Variants in INPP5D observed in about 807,000 individuals in gnomAD.
The protein encoded by INPP5D is phosphatidylinositol 3,4,5-trisphosphate 5-phosphatase 1.
INPP5D carries 33 observed loss-of-function variants against 122.9 expected under a neutral mutation model. The ratio of observed to expected loss-of-function variants is 0.27; its 90% confidence interval spans 0.20 to 0.36. The LOEUF (loss-of-function observed/expected upper bound fraction) is 0.36, where lower values mean the gene tolerates loss of function less well. Among genes scored for constraint, INPP5D ranks in the 10% least tolerant of loss-of-function variants. The pLI, the probability that INPP5D is intolerant of heterozygous loss-of-function variation, is 1.00. For synonymous variants in INPP5D, 584 were observed against 576.2 expected (o/e 1.01, Z -0.19); for missense variants, 1,053 against 1,412.7 (o/e 0.75, Z 4.08).
chr2:233,065,568 T>TTTCTTTCTTTCC (rs1487472628), intron 1 of INPP5D, among the ~76,000 whole-genome samples: 1 of 29,202 alleles, frequency 3.4e-5, no homozygotes, highest in Admixed American at 2.6e-4. Flanking sequence ...AGCCTTTTTC[T>TTTCTTTCTTTCC]TTCTTTCTTT....
chr2:233,142,083 A>G (rs1217194563), intron 6 of INPP5D, among the ~76,000 whole-genome samples: 1 of 152,232 alleles, frequency 6.6e-6, no homozygotes, highest in African/African-American at 2.4e-5. Flanking sequence ...TTTGAAGTAG[A>G]TTAGAAGCGA....
At chr2:233,096,783 A>C (rs747559065) in intron 2 of INPP5D, among the ~76,000 whole-genome samples, 7 of 151,722 alleles carry the variant, frequency 4.6e-5, no homozygotes, top group African/African-American at 7.3e-5. Flanking sequence ...AAAACCCTTT[A>C]TATGTTTTGT....
Position 233,060,622 on chromosome 2 carries a change from A to G in INPP5D, c.134+10A>G. On this transcript the variant is annotated intron_variant, in intron 1 of 26. Coordinates refer to ENST00000445964, the MANE Select transcript of INPP5D (RefSeq NM_001017915.3). ...ACGCGCTCTGCGTGCTGTGAGTACAACCTGCTCCCTCCCCGGGCACAGATA... is the reference window on the plus strand; with the variant it reads ...ACGCGCTCTGCGTGCTGTGAGTACAGCCTGCTCCCTCCCCGGGCACAGATA... The G allele has an allele frequency of 6.2e-7, 1 of 1,613,554 alleles. No individual in the cohort carries two copies.
chr2:233,070,246 A>G (rs1691340227), intron 1 of INPP5D, among the ~76,000 whole-genome samples: 1 of 151,942 alleles, frequency 6.6e-6, no homozygotes, highest in Non-Finnish European at 1.5e-5. Context: ...TTTAAGTTTT[A>G]TGATTTTTTT....
rs764742032 is a variant in INPP5D at position 233,169,330 on chromosome 2, G to A, written c.1581G>A (p.Ser527=). The change falls in exon 14 of 27, where the codon TCG becomes TCA. Residue 527 remains serine, a synonymous_variant. Transcript: ENST00000445964. ...GGAACAAGGGAGCCGTGGGGGTGTC[G>A]TTCATGTTCAATGGAACCTCCTTAG... ...TLGNKGAVGV[S]FMFNGTSLGF... 16 of 1,605,748 alleles carry A rather than the reference G, an allele frequency of 1.0e-5. No homozygotes were observed. Among genetic ancestry groups the A allele is most frequent in the South Asian group, 9.0e-5 (8 of 89,230 alleles).
Position 233,182,472 on chromosome 2 carries a change from G to T in INPP5D, c.2134G>T (p.Val712Phe). 1 of 1,613,690 alleles carries T rather than the reference G, an allele frequency of 6.2e-7. No homozygotes were observed. The highest frequency in any genetic ancestry group is 8.5e-7 in the Non-Finnish European group (1 of 1,179,692). ...SPVFATFEAG[V>F]TSQFVSKNGP... ...TGTCTTTGCCACATTTGAGGCAGGA[G>T]TCACTTCCCAGTTTGTCTCCAAGAA... Residue 712 changes from valine to phenylalanine, a missense_variant, in exon 19 of 27, where the codon GTC (valine) becomes TTC (phenylalanine). Val to Phe is a conservative substitution (Grantham distance 50). Around this residue, in one of 6 missense-constraint regions of INPP5D, gnomAD observed 258 missense variants for 439.1 expected, o/e 0.59. Coordinates refer to ENST00000445964, the MANE Select transcript of INPP5D (RefSeq NM_001017915.3).
chr2:233,109,976 T>C (rs1445642851), intron 2 of INPP5D, among the ~76,000 whole-genome samples: 1 of 151,916 alleles, frequency 6.6e-6, no homozygotes, highest in Non-Finnish European at 1.5e-5. Flanking sequence ...TCTGCATTTC[T>C]CAGGCTCAAG....
In INPP5D at chr2:233,097,267, T is replaced by C. The variant is rs566730191; in HGVS notation, c.198+17869T>C. Among the ~76,000 whole-genome samples, 302 of 152,342 alleles carry C rather than the reference T, an allele frequency of 2.0e-3. 2 individuals carry two copies. Among genetic ancestry groups the C allele is most frequent in the South Asian group, 8.5e-3 (41 of 4,830 alleles). On this transcript the variant is annotated intron_variant, in intron 2 of 26. Transcript: ENST00000445964. ...TGGCTTTCTTGTGTGTTTCCTTATC[T>C]GGCAGACTAAGTTCCCATTTATTAT...
intron 26 of INPP5D, chr2:233,204,939 A>G: frequency 1.5e-6 from 1 of 666,138 alleles, no homozygotes; most frequent in Non-Finnish European, 2.3e-6. Flanking sequence ...CCTGTCCCAC[A>G]CATCCCTGAC....
chr2:233,138,303 TAAAAAAAAAAA>T (rs749510803), intron 5 of INPP5D, among the ~76,000 whole-genome samples: 1 of 103,680 alleles, frequency 9.6e-6, no homozygotes, highest in African/African-American at 4.5e-5. Flanking sequence ...TAAGATTGTC[TAAAAAAAAAAA>T]AAAAAAAAAA....
At chr2:233,084,992 T>C (rs1379954429) in intron 2 of INPP5D, among the ~76,000 whole-genome samples, 1 of 152,264 alleles carries the variant, frequency 6.6e-6, no homozygotes, top group Non-Finnish European at 1.5e-5. Flanking sequence ...AAAACATCTT[T>C]AGTTGTCTAC....
chr2:233,194,822 G>A (rs980554524), intron 23 of INPP5D, among the ~76,000 whole-genome samples: 1 of 150,096 alleles, frequency 6.7e-6, no homozygotes, highest in African/African-American at 2.5e-5. Context: ...TTCTTTTTTG[G>A]AGACAGTCTT....
chr2:233,126,220 T>C (rs1214948445), intron 4 of INPP5D, among the ~76,000 whole-genome samples: 4 of 152,262 alleles, frequency 2.6e-5, no homozygotes, highest in Non-Finnish European at 5.9e-5. Context: ...CATTAATTAA[T>C]AAGTTAGTAC....
chr2:233,160,867 T>A lies in INPP5D; in HGVS notation c.1138-857T>A, dbSNP rs1694181336. ...CCAGGCTGGTCTCAAACTCCTGGGA[T>A]CAAACAATCCTTCTGCCTCAGCCTC... On this transcript the variant is annotated intron_variant, in intron 10 of 26. Transcript: ENST00000445964. The surrounding 1 kb of genome is among the most constrained non-coding windows in gnomAD (Gnocchi z 4.2). Among the ~76,000 whole-genome samples, 2 of 152,174 alleles carry A rather than the reference T, an allele frequency of 1.3e-5. No homozygotes were observed. Among genetic ancestry groups the A allele is most frequent in the Admixed American group, 1.3e-4 (2 of 15,276 alleles).
Position 233,139,916 on chromosome 2 carries a change from G to A in INPP5D, c.740G>A (p.Arg247His), listed in dbSNP as rs1044529540. 6 of 398,592 alleles carry A rather than the reference G, an allele frequency of 1.5e-5. No individual in the cohort carries two copies. The highest frequency in any genetic ancestry group is 3.6e-5 in the East Asian group (1 of 28,068). 24.7% of individuals were successfully genotyped at this position (398,592 alleles called of 1,614,324 possible). Residue 247 changes from arginine (R) to histidine (H), a missense_variant, in exon 6 of 27, where the codon CGT becomes CAT. Arg to His is a conservative substitution (Grantham distance 29). This residue lies in a region of INPP5D where 196 missense variants were observed against 175.6 expected (regional missense o/e 1.12). Transcript: ENST00000445964. Reference sequence around the variant, plus strand: ...GACCAGCAGCTCTCCCCGGGCCTCCGTCCACGTCCTCAGGTAAAGGGTCTT... The same window carrying A: ...GACCAGCAGCTCTCCCCGGGCCTCCATCCACGTCCTCAGGTAAAGGGTCTT... ...LFDQQLSPGL[R>H]PRPQVPGEAN... is the part of the protein sequence containing the mutation.
At chr2:233,169,474 C>T (rs1694433660) in intron 14 of INPP5D, 73 bp downstream of exon 14, 1 of 1,542,294 alleles carries the variant, frequency 6.5e-7, no homozygotes, top group African/African-American at 1.4e-5. Flanking sequence ...CCTTTAAGCA[C>T]CAGAAGGACC....
chr2:233,144,954 C>CTTTTG (rs1330920799), intron 6 of INPP5D, among the ~76,000 whole-genome samples: 5 of 152,004 alleles, frequency 3.3e-5, no homozygotes, highest in African/African-American at 1.2e-4. Flanking sequence ...AAAGCAAGTG[C>CTTTTG]AGCCTGGCTG....
At position 233,206,947 on chromosome 2, in the gene INPP5D, C is replaced by G. The variant is rs1373433581; in HGVS notation, c.*239C>G. On this transcript the variant is annotated 3_prime_UTR_variant, in exon 27 of 27. Transcript: ENST00000445964. The surrounding 1 kb of genome is among the most constrained non-coding windows in gnomAD (Gnocchi z 4.0). ...AGACGGGCAACAAACAGTCTGGGTCCCCAGCTCGCTCTTGGTACTTGGGAC... is the reference window on the plus strand; with the variant it reads ...AGACGGGCAACAAACAGTCTGGGTCGCCAGCTCGCTCTTGGTACTTGGGAC... 9.8e-6 allele frequency: 5 copies of G among 508,364 alleles called. No homozygotes were observed. Among genetic ancestry groups the G allele is most frequent in the African/African-American group, 9.8e-5 (5 of 51,098 alleles). The allele number at this position is 508,364 out of a possible 1,614,324, so 31.5% of individuals were successfully genotyped here.
chr2:233,096,202 C>T (rs527446683), intron 2 of INPP5D, among the ~76,000 whole-genome samples: 7 of 152,178 alleles, frequency 4.6e-5, no homozygotes, highest in Non-Finnish European at 7.4e-5. Context: ...CTGCTTTGCC[C>T]GGGGCTCTTC....
Sources: gnomAD v4.1 joint callset for allele counts (sites outside exome capture counted in the v4.1 genomes callset) on GRCh38, gnomAD v4.1.1 for gene constraint, gnomAD v4.1.1 regional missense constraint, Gnocchi (gnomAD v3.1) non-coding constraint, MANE v1.5 for transcripts, NCBI Gene and HGNC (gene_info 2026-07-23, HGNC 2026-07-21) for gene names.